FN3K: variants seen among roughly 807,000 people sequenced by gnomAD.
The protein encoded by FN3K is fructosamine 3 kinase.
FN3K carries 24 observed loss-of-function variants against 24.8 expected under a neutral mutation model. The observed-to-expected ratio is 0.97, with a 90% confidence interval of 0.70 to 1.36. The LOEUF is 1.36. Ranked by LOEUF, FN3K falls within the 40% of genes most tolerant of loss-of-function variation. The probability of loss-of-function intolerance (pLI) is 0.00; values close to 1 mark genes in which losing one functional copy is unlikely to be tolerated. For missense variants in FN3K, 449 were observed against 416.7 expected, an observed-to-expected ratio of 1.08 and a Z score of -0.67; for synonymous variants, 192 against 175.2, an observed-to-expected ratio of 1.10 and a Z score of -0.76.
chr17:82,742,945 C>T (rs1160249081), intron 4 of FN3K, among the ~76,000 whole-genome samples: 1 of 152,160 alleles, frequency 6.6e-6, no homozygotes, highest in Non-Finnish European at 1.5e-5. Flanking sequence ...GCAAGATCCT[C>T]ATGAAGCCCA....
chr17:82,735,634 T>A lies in FN3K; in HGVS notation c.-3T>A. 1 of 1,525,802 alleles carries A rather than the reference T, an allele frequency of 6.6e-7. No homozygotes were observed. The highest frequency in any genetic ancestry group is 8.7e-7 in the Non-Finnish European group (1 of 1,145,216). The allele number at this position is 1,525,802 out of a possible 1,614,324, so 94.5% of individuals were successfully genotyped here. A position where few individuals can be genotyped will look rare whatever the true frequency, so the allele number is the denominator to read the frequency against. On this transcript the variant is annotated 5_prime_UTR_variant, in exon 1 of 6. Transcript: ENST00000300784. Reference sequence around the variant, plus strand: ...GCGAGCAGAGTCCCGCGCCCCGCACTCCATGGAGCAGCTGCTGCGCGCCGA... The same window carrying A: ...GCGAGCAGAGTCCCGCGCCCCGCACACCATGGAGCAGCTGCTGCGCGCCGA...
intron 1 of FN3K, chr17:82,738,174 T>C (rs2046915886): frequency 5.9e-6 from 2 of 339,100 alleles, no homozygotes; most frequent in Non-Finnish European, 1.1e-5. Context: ...CTCTGGACCT[T>C]GGTTCACTCA....
At chr17:82,746,824 T>G (rs535194340) in intron 4 of FN3K, among the ~76,000 whole-genome samples, 3 of 152,050 alleles carry the variant, frequency 2.0e-5, no homozygotes, top group African/African-American at 7.2e-5. Flanking sequence ...ATTTCCTTAT[T>G]ATCCTTTTTA....
At chr17:82,747,435 T>A (rs979918639) in intron 4 of FN3K, among the ~76,000 whole-genome samples, 1 of 152,234 alleles carries the variant, frequency 6.6e-6, no homozygotes, top group African/African-American at 2.4e-5. Flanking sequence ...GGAGTCTTGC[T>A]CTGTCACCAG....
At position 82,751,190 on chromosome 17, in the gene FN3K, G is replaced by C; in HGVS notation, c.*435G>C. ...ACCAATAAAGCCCGCAGCGGGTCTCGGCTGGCGTCCTGCGCCTCGTTCCTC... is the reference window on the plus strand; with the variant it reads ...ACCAATAAAGCCCGCAGCGGGTCTCCGCTGGCGTCCTGCGCCTCGTTCCTC... On this transcript the variant is annotated 3_prime_UTR_variant, in exon 6 of 6. Coordinates refer to ENST00000300784, the MANE Select transcript of FN3K (RefSeq NM_022158.4). The C allele has an allele frequency of 7.4e-6, 1 of 134,510 alleles. No individual in the cohort carries two copies. The highest frequency in any genetic ancestry group is 1.4e-5 in the Non-Finnish European group (1 of 69,902). The allele number at this position is 134,510 out of a possible 1,614,324, so 8.3% of individuals were successfully genotyped here. A position where few individuals can be genotyped will look rare whatever the true frequency, so the allele number is the denominator to read the frequency against.
At chr17:82,738,790 G>T in intron 2 of FN3K, 150 bp downstream of exon 2, 1 of 941,832 alleles carries the variant, frequency 1.1e-6, no homozygotes, top group East Asian at 2.6e-5. Flanking sequence ...CAACTGCCCG[G>T]TTATCAGAGG....
rs772839976 is a variant in FN3K at position 82,748,945 on chromosome 17, C to A, written c.559C>A (p.Arg187=). Residue 187 remains arginine (R), a synonymous_variant, in exon 5 of 6, where the codon CGA becomes AGA. Coordinates refer to ENST00000300784, the MANE Select transcript of FN3K (RefSeq NM_022158.4). ...CCTCATTGAGAAGGACTATGCTGACCGAGAGGCACGAGAACTCTGGTCCCG... is the reference window on the plus strand; with the variant it reads ...CCTCATTGAGAAGGACTATGCTGACAGAGAGGCACGAGAACTCTGGTCCCG... ...LDLIEKDYAD[R]EARELWSRLQ... is the part of the protein sequence containing the mutation. 68 of 1,614,036 alleles carry A rather than the reference C, an allele frequency of 4.2e-5. No individual in the cohort carries two copies. Among genetic ancestry groups the A allele is most frequent in the Non-Finnish European group, 5.4e-5 (64 of 1,180,040 alleles).
intron 5 of FN3K, chr17:82,749,502 A>C: frequency 4.2e-6 from 1 of 238,426 alleles, no homozygotes; most frequent in Non-Finnish European, 8.4e-6. Flanking sequence ...TGTCTGTACT[A>C]AAAATGCAAA....
rs200290655 is a variant in FN3K at position 82,738,486 on chromosome 17, C to T, written c.142-3C>T. 6.8e-6 allele frequency: 11 copies of T among 1,611,960 alleles called. No homozygotes were observed. In the East Asian group the frequency reaches 1.6e-4, roughly 23 times the overall value. On this transcript the variant is annotated splice_polypyrimidine_tract_variant and splice_region_variant and intron_variant, in intron 1 of 5. Coordinates refer to ENST00000300784, the MANE Select transcript of FN3K (RefSeq NM_022158.4). Reference sequence around the variant, plus strand: ...GGCTGACAAGGCTGTGTTCTGGATGCAGGCCCGGCAGATGTTTGAGGGGGA... The same window carrying T: ...GGCTGACAAGGCTGTGTTCTGGATGTAGGCCCGGCAGATGTTTGAGGGGGA...
At chr17:82,739,988 C>T (rs1183901202) in intron 2 of FN3K, among the ~76,000 whole-genome samples, 2 of 152,262 alleles carry the variant, frequency 1.3e-5, no homozygotes, top group South Asian at 2.1e-4. Context: ...ACTGCAAGCT[C>T]TGCCTCTTGG....
At chr17:82,738,775 C>T in intron 2 of FN3K, 135 bp downstream of exon 2, 6 of 1,104,156 alleles carry the variant, frequency 5.4e-6, no homozygotes, top group Non-Finnish European at 8.0e-6. Flanking sequence ...GCTGAGCCGT[C>T]CACACAACTG....
Position 82,737,100 on chromosome 17 carries a change from C to T in FN3K, c.141+1323C>T, listed in dbSNP as rs1435023241. On this transcript the variant is annotated intron_variant, in intron 1 of 5. Coordinates refer to ENST00000300784, the MANE Select transcript of FN3K (RefSeq NM_022158.4). ...CCGGCCGCCCTCCCACCTGTGGACA[C>T]TCACACCCACCCTCGGTGCAGGCTG... is the stretch of plus-strand genomic sequence containing the variant. 5.9e-5 allele frequency among the ~76,000 whole-genome samples: 9 copies of T among 152,324 alleles called. No homozygotes were observed. In the South Asian group the frequency reaches 1.7e-3, roughly 28 times the overall value.
At chr17:82,746,701 G>A (rs1039048394) in intron 4 of FN3K, among the ~76,000 whole-genome samples, 1 of 152,064 alleles carries the variant, frequency 6.6e-6, no homozygotes, top group Non-Finnish European at 1.5e-5. Flanking sequence ...TACTCGAAAG[G>A]CTGAGGCAGG....
rs778774730 is a variant in FN3K, at chr17:82,741,309, A to T, written c.386-2A>T. 1 of 1,613,412 alleles carries T rather than the reference A, an allele frequency of 6.2e-7. No individual in the cohort carries two copies. Among genetic ancestry groups the T allele is most frequent in the African/African-American group, 1.3e-5 (1 of 74,918 alleles). ...CTTCAGGCCAAGGATCTCTGTCAAC[A>T]GGCCGAAGAGGTGAGGGTGCTGAGC... On this transcript the variant is annotated splice_acceptor_variant, in intron 3 of 5. Coordinates refer to ENST00000300784, the MANE Select transcript of FN3K (RefSeq NM_022158.4). LOFTEE classifies it high-confidence loss of function.
intron 4 of FN3K, among the ~76,000 whole-genome samples, chr17:82,748,154 C>A (rs7213844): frequency 7.9e-6 from 1 of 127,110 alleles, no homozygotes; most frequent in Non-Finnish European, 1.7e-5. Context: ...TTTTTTTTTT[C>A]TTTTTTTTTT....
intron 4 of FN3K, chr17:82,742,888 C>T (rs1469105412): frequency 5.6e-6 from 2 of 358,092 alleles, no homozygotes; most frequent in Non-Finnish European, 1.1e-5. Flanking sequence ...ACCAAGCTCT[C>T]CCTGGTGTGG....
chr17:82,741,220 C>T lies in FN3K; in HGVS notation c.386-91C>T, dbSNP rs867678120. On this transcript the variant is annotated intron_variant, in intron 3 of 5. Coordinates refer to ENST00000300784, the MANE Select transcript of FN3K (RefSeq NM_022158.4). ...CTCAGACCACCTATATTCTAGCATG[C>T]GTAGCCCAGGCTTGTACTGATGCTC... 4.1e-5 allele frequency: 48 copies of T among 1,171,474 alleles called. No homozygotes were observed. In the Middle Eastern group the frequency reaches 8.3e-4, roughly 20 times the overall value. 72.6% of individuals were successfully genotyped at this position (1,171,474 alleles called of 1,614,324 possible). A position where few individuals can be genotyped will look rare whatever the true frequency, so the allele number is the denominator to read the frequency against.
chr17:82,741,290 G>A, intron 3 of FN3K, 21 bp from the exon 4 acceptor site: 2 of 1,610,870 alleles, frequency 1.2e-6, no homozygotes, highest in Non-Finnish European at 1.7e-6. Context: ...GCTCCTTCAG[G>A]CCAAGGATCT....
At chr17:82,742,028 C>T (rs982525616) in intron 4 of FN3K, among the ~76,000 whole-genome samples, 4 of 152,170 alleles carry the variant, frequency 2.6e-5, no homozygotes, top group Non-Finnish European at 4.4e-5. Flanking sequence ...CTGTCTCAGC[C>T]TCTCAAGTAG....
Sources: allele counts gnomAD v4.1 joint callset (sites outside exome capture counted in the v4.1 genomes callset), GRCh38; gene constraint gnomAD v4.1.1; transcripts MANE v1.5; gene names NCBI Gene and HGNC (gene_info 2026-07-23, HGNC 2026-07-21).